Variants in HIVEP1 observed in about 807,000 individuals in gnomAD.
HIVEP1 encodes zinc finger protein 40.
HIVEP1 carries 36 observed loss-of-function variants against 180.0 expected under a neutral mutation model. That is an observed-to-expected ratio of 0.20 (90% CI 0.15 to 0.26). The LOEUF (loss-of-function observed/expected upper bound fraction) is 0.26, where lower values mean the gene tolerates loss of function less well. Ranked by LOEUF, HIVEP1 falls within the 10% of genes least tolerant of loss-of-function variation. HIVEP1 has a pLI of 1.00. For synonymous variants in HIVEP1, 1,239 were observed against 1,239.0 expected, an observed-to-expected ratio of 1.00 and a Z score of 0.00; for missense variants, 3,143 against 3,268.7, an observed-to-expected ratio of 0.96 and a Z score of 0.94.
intron 2 of HIVEP1, among the ~76,000 whole-genome samples, chr6:12,048,572 G>C (rs1044891581): frequency 6.6e-6 from 1 of 152,134 alleles, no homozygotes; most frequent in Non-Finnish European, 1.5e-5. Context: ...TGCACAATCT[G>C]TTGTTCATGG....
chr6:12,146,420 G>A (rs1291028762), intron 7 of HIVEP1, among the ~76,000 whole-genome samples: 2 of 152,174 alleles, frequency 1.3e-5, no homozygotes, highest in South Asian at 2.1e-4. Flanking sequence ...TCCAGCCCGG[G>A]CAACAAGAGC....
chr6:12,165,340 T>C (rs536445373), downstream of HIVEP1, among the ~76,000 whole-genome samples: 1 of 152,300 alleles, frequency 6.6e-6, no homozygotes, highest in South Asian at 2.1e-4. Flanking sequence ...AACCCCATTG[T>C]CCTTAGAATT....
chr6:12,209,048 T>C, the HIVEP1 span, among the ~76,000 whole-genome samples: 3 of 152,232 alleles, frequency 2.0e-5, no homozygotes, highest in African/African-American at 7.2e-5. Context: ...AACATATTTC[T>C]TTCAGATACC....
chr6:12,166,240 A>G (rs924857531), downstream of HIVEP1, among the ~76,000 whole-genome samples: 1 of 152,196 alleles, frequency 6.6e-6, no homozygotes, highest in African/African-American at 2.4e-5. Flanking sequence ...GCATATTCTT[A>G]ACTCCATAAT....
At chr6:12,069,020 CTTATG>C (rs1188853879) in intron 2 of HIVEP1, among the ~76,000 whole-genome samples, 1 of 152,314 alleles carries the variant, frequency 6.6e-6, no homozygotes, top group East Asian at 1.9e-4. Flanking sequence ...CAAAAATTGA[CTTATG>C]TAATGTACAA....
intron 4 of HIVEP1, among the ~76,000 whole-genome samples, chr6:12,128,414 C>T (rs970266206): frequency 6.6e-6 from 1 of 152,188 alleles, no homozygotes; most frequent in Non-Finnish European, 1.5e-5. Context: ...AGACTCTTAT[C>T]TCTTAGTATT....
intron 2 of HIVEP1, among the ~76,000 whole-genome samples, chr6:12,026,046 A>AC (rs1768565052): frequency 6.6e-6 from 1 of 152,094 alleles, no homozygotes; most frequent in African/African-American, 2.4e-5. Context: ...ATATCAAAAA[A>AC]AAAAAAAAGA....
At chr6:12,211,294 G>A in the HIVEP1 span, among the ~76,000 whole-genome samples, 6 of 95,970 alleles carry the variant, frequency 6.3e-5, no homozygotes, top group Admixed American at 9.3e-5. Context: ...CAGCTACTCC[G>A]GAGGCTGAGG....
rs1443855507 is a variant in HIVEP1, at chr6:12,012,347, C to T, written c.-323C>T. On this transcript the variant is annotated 5_prime_UTR_variant, in exon 1 of 9. Coordinates refer to ENST00000379388, the MANE Select transcript of HIVEP1 (RefSeq NM_002114.4). ...GGCCTTCAGCGTGGCGGCTGCTGGG[C>T]GGCGGCAGGGTGGCGGACGGAGCGG... 1.3e-5 allele frequency: 2 copies of T among 150,818 alleles called. No homozygotes were observed. Among genetic ancestry groups the T allele is most frequent in the Non-Finnish European group, 2.9e-5 (2 of 68,486 alleles). 9.3% of individuals were successfully genotyped at this position (150,818 alleles called of 1,614,324 possible).
intron 3 of HIVEP1, among the ~76,000 whole-genome samples, chr6:12,104,875 T>C (rs1774336877): frequency 6.6e-6 from 1 of 152,236 alleles, no homozygotes; most frequent in Non-Finnish European, 1.5e-5. Flanking sequence ...AAATTTTCAG[T>C]ATTCTTGTCC....
rs928076948 is a variant in HIVEP1, at chr6:12,129,861, G to A, written c.6178G>A (p.Glu2060Lys). ...TAAAGAAAATTCCTTAATCAAAAGT[G>A]AACCAAGAAGAATTAAAATATTTGA... ...QDKENSLIKS[E>K]PRRIKIFDGG... The change falls in exon 5 of 9, where the codon GAA becomes AAA. Residue 2060 changes from glutamate to lysine, a missense_variant. Transcript: ENST00000379388. 6.4e-7 allele frequency: 1 copy of A among 1,568,654 alleles called. No homozygotes were observed. The highest frequency in any genetic ancestry group is 8.7e-7 in the Non-Finnish European group (1 of 1,143,022).
At chr6:12,096,575 T>A (rs980663875) in intron 3 of HIVEP1, among the ~76,000 whole-genome samples, 1 of 151,788 alleles carries the variant, frequency 6.6e-6, no homozygotes, top group African/African-American at 2.4e-5. Flanking sequence ...TATAATAATA[T>A]TTTTGAAGAT....
chr6:12,032,555 T>C (rs568445899), intron 2 of HIVEP1, among the ~76,000 whole-genome samples: 1 of 152,324 alleles, frequency 6.6e-6, no homozygotes, highest in South Asian at 2.1e-4. Context: ...TGGTACAACT[T>C]ACTAGGTCTG....
chr6:12,106,070 A>T (rs936030311), intron 3 of HIVEP1, among the ~76,000 whole-genome samples: 1 of 151,788 alleles, frequency 6.6e-6, no homozygotes, highest in Admixed American at 6.6e-5. Flanking sequence ...ATATACATAT[A>T]TATACACACA....
rs754071398 is a variant in HIVEP1 at position 12,120,255 on chromosome 6, G to A, written c.460G>A (p.Ala154Thr). 1 of 1,614,168 alleles carries A rather than the reference G, an allele frequency of 6.2e-7. No individual in the cohort carries two copies. ...RRWRSEGADP[A>T]KFSDLDEQCD... ...ATGGAGATCCGAAGGCGCTGATCCT[G>A]CCAAATTCAGTGACCTCGATGAACA... is the stretch of plus-strand genomic sequence containing the variant. Residue 154 changes from alanine (A) to threonine (T), a missense_variant, in exon 4 of 9, where the codon GCC (alanine) becomes ACC (threonine). Coordinates refer to ENST00000379388, the MANE Select transcript of HIVEP1 (RefSeq NM_002114.4).
chr6:12,040,075 G>A (rs924542464), intron 2 of HIVEP1, among the ~76,000 whole-genome samples: 4 of 152,196 alleles, frequency 2.6e-5, no homozygotes, highest in Non-Finnish European at 5.9e-5. Context: ...GGGCTCAGCA[G>A]TTGTTGGAAC....
chr6:12,037,873 G>C (rs987922757), intron 2 of HIVEP1: 10 of 402,944 alleles, frequency 2.5e-5, no homozygotes, highest in African/African-American at 1.9e-4. Context: ...AGTGTGCCTA[G>C]CTACTTTTTT....
At chr6:12,178,507 G>A in the HIVEP1 span, among the ~76,000 whole-genome samples, 553 of 152,242 alleles carry the variant, frequency 3.6e-3, 2 homozygotes, top group Non-Finnish European at 3.5e-3. Flanking sequence ...GGAAATAAAG[G>A]ACATCTTTAA....
At chr6:12,018,956 C>A (rs77340802) in intron 2 of HIVEP1, among the ~76,000 whole-genome samples, 1 of 152,148 alleles carries the variant, frequency 6.6e-6, no homozygotes, top group African/African-American at 2.4e-5. Context: ...AATAAGAAAA[C>A]TTGCTTCTTT....
Sources: gnomAD v4.1 joint callset for allele counts (sites outside exome capture counted in the v4.1 genomes callset) on GRCh38, gnomAD v4.1.1 for gene constraint, MANE v1.5 for transcripts, NCBI Gene and HGNC (gene_info 2026-07-23, HGNC 2026-07-21) for gene names.